UBR1: variants seen among roughly 807,000 people sequenced by gnomAD.
UBR1 encodes E3 ubiquitin-protein ligase UBR1.
Under a neutral mutation model 242.1 loss-of-function variants are expected in UBR1, and 102 were observed. The ratio of observed to expected loss-of-function variants is 0.42; its 90% CI spans 0.36 to 0.50. The LOEUF is 0.50. Ranked by LOEUF, UBR1 falls within the 20% of genes least tolerant of loss-of-function variation. The pLI is 0.01. For synonymous variants in UBR1, 675 were observed against 684.8 expected (o/e 0.99, Z 0.22); for missense variants, 1,772 against 2,101.8 (o/e 0.84, Z 3.07).
intron 1 of UBR1, among the ~76,000 whole-genome samples, chr15:43,097,848 C>T (rs1375239415): frequency 6.6e-6 from 1 of 152,204 alleles, no homozygotes; most frequent in African/African-American, 2.4e-5. Context: ...ACTTTTTCCA[C>T]ATCATCAGTA....
At chr15:43,046,433 T>C (rs926500643) in intron 14 of UBR1, among the ~76,000 whole-genome samples, 1 of 152,024 alleles carries the variant, frequency 6.6e-6, no homozygotes, top group Non-Finnish European at 1.5e-5. Flanking sequence ...TTATAGACAA[T>C]TGAATAAAAG....
intron 37 of UBR1, among the ~76,000 whole-genome samples, chr15:42,980,287 A>G (rs920448325): frequency 6.6e-6 from 1 of 152,222 alleles, no homozygotes. Context: ...TTTGGTATGC[A>G]TATTTTCATT....
chr15:43,028,876 G>A (rs2033214413), intron 21 of UBR1, among the ~76,000 whole-genome samples: 1 of 152,044 alleles, frequency 6.6e-6, no homozygotes, highest in Non-Finnish European at 1.5e-5. Context: ...TTGAGGTCAG[G>A]AGTTCCAGAC....
In UBR1 at chr15:43,054,907, A is replaced by G. The variant is rs1325459881; in HGVS notation, c.1282-8T>C. The stretch of plus-strand genomic sequence containing the variant: ...TTCAATAAGATGTCGAGCCTGCGGA[A>G]TATTTCAAGAATATTTTCTTTAGCA... On this transcript the variant is annotated splice_region_variant and splice_polypyrimidine_tract_variant and intron_variant, in intron 11 of 46. Coordinates refer to ENST00000290650, the MANE Select transcript of UBR1 (RefSeq NM_174916.3). 11 of 1,613,904 alleles carry G rather than the reference A, an allele frequency of 6.8e-6. No homozygotes were observed. Among genetic ancestry groups the G allele is most frequent in the African/African-American group, 2.7e-5 (2 of 74,918 alleles).
At chr15:42,988,768 C>A in intron 35 of UBR1, 51 bp downstream of exon 35, 1 of 1,610,102 alleles carries the variant, frequency 6.2e-7, no homozygotes, top group South Asian at 1.1e-5. Context: ...AATGAATGAT[C>A]AAAGTTAATT....
At chr15:42,972,348 C>T (rs1455303171) in intron 39 of UBR1, among the ~76,000 whole-genome samples, 5 of 152,010 alleles carry the variant, frequency 3.3e-5, no homozygotes, top group Non-Finnish European at 7.4e-5. Context: ...TTTCATCACT[C>T]GGTAACTCAT....
intron 14 of UBR1, among the ~76,000 whole-genome samples, chr15:43,045,275 C>T (rs1483165317): frequency 6.6e-6 from 1 of 151,920 alleles, no homozygotes; most frequent in Non-Finnish European, 1.5e-5. Flanking sequence ...GCCTGGGCAA[C>T]ACAGAGAAAC....
intron 42 of UBR1, among the ~76,000 whole-genome samples, chr15:42,963,538 C>G (rs2032055995): frequency 6.6e-6 from 1 of 151,934 alleles, no homozygotes; most frequent in African/African-American, 2.4e-5. Context: ...AAATGACCTT[C>G]CTTCTTTTCT....
At chr15:42,989,421 T>C (rs1021223151) in intron 34 of UBR1, among the ~76,000 whole-genome samples, 6 of 152,360 alleles carry the variant, frequency 3.9e-5, no homozygotes, top group African/African-American at 1.2e-4. Context: ...TATGATACCA[T>C]GTACCTGGAG....
At chr15:43,093,630 A>G (rs1441071116) in intron 1 of UBR1, among the ~76,000 whole-genome samples, 3 of 151,882 alleles carry the variant, frequency 2.0e-5, no homozygotes, top group African/African-American at 7.3e-5. Flanking sequence ...AAAAACACAA[A>G]AATTAGCTGG....
chr15:43,087,354 G>C (rs890777698), intron 1 of UBR1, among the ~76,000 whole-genome samples: 1 of 151,914 alleles, frequency 6.6e-6, no homozygotes, highest in Non-Finnish European at 1.5e-5. Flanking sequence ...GCAGTGAGCC[G>C]AGAATGCGCC....
chr15:42,989,502 G>A (rs190822677), intron 34 of UBR1, among the ~76,000 whole-genome samples: 102 of 152,240 alleles, frequency 6.7e-4, no homozygotes, highest in Admixed American at 2.9e-3. Context: ...AGATAAACAA[G>A]GATCACAACT....
At chr15:42,970,785 C>T (rs1015018932) in intron 39 of UBR1, among the ~76,000 whole-genome samples, 178 bp from the exon 40 acceptor site, 2 of 151,524 alleles carry the variant, frequency 1.3e-5, no homozygotes, top group Non-Finnish European at 1.5e-5. Flanking sequence ...AGCAATGGTG[C>T]GATCTTGGCT....
At chr15:42,977,627 T>C (rs1489942782) in intron 38 of UBR1, among the ~76,000 whole-genome samples, 1 of 150,910 alleles carries the variant, frequency 6.6e-6, no homozygotes. Flanking sequence ...GGCTTGTCTG[T>C]ACAGACACCC....
chr15:43,014,172 G>T (rs1256826137), intron 29 of UBR1, among the ~76,000 whole-genome samples: 1 of 152,372 alleles, frequency 6.6e-6, no homozygotes, highest in South Asian at 2.1e-4. Flanking sequence ...ACGGAGTCTC[G>T]CTCACTCAGT....
rs114021937 is a variant in UBR1 at position 43,011,258 on chromosome 15, G to A, written c.3210-3974C>T. On this transcript the variant is annotated intron_variant, in intron 29 of 46. Transcript: ENST00000290650. ...GAATAGGAAAAGCTTTCTTAAACAA[G>A]ATATTAATACAAAAAGTTAAAACTC... Among the ~76,000 whole-genome samples, 1,253 of 151,802 alleles carry A rather than the reference G, an allele frequency of 8.3e-3. 14 individuals are homozygous for A. The highest frequency in any genetic ancestry group is 0.029 in the African/African-American group (1,189 of 41,416).
chr15:43,069,856 T>C (rs2033802652), intron 5 of UBR1, among the ~76,000 whole-genome samples: 1 of 152,202 alleles, frequency 6.6e-6, no homozygotes, highest in Non-Finnish European at 1.5e-5. Flanking sequence ...TTTACCAACA[T>C]AAAGTGACTT....
chr15:42,987,711 C>CAAAAAA (rs35169116), intron 35 of UBR1, among the ~76,000 whole-genome samples: 2 of 54,636 alleles, frequency 3.7e-5, no homozygotes, highest in Non-Finnish European at 6.5e-5. Flanking sequence ...GACTCTGTCT[C>CAAAAAA]AAAAAAAAAA....
At position 42,944,973 on chromosome 15, in the gene UBR1, C is replaced by T. The variant is rs2031708320; in HGVS notation, c.*356G>A. Reference sequence around the variant, plus strand: ...TGAACTAAACTTGGGGGGAAAACACCAAATACAAAATTGCAGAAGAGTTAA... The same window carrying T: ...TGAACTAAACTTGGGGGGAAAACACTAAATACAAAATTGCAGAAGAGTTAA... On this transcript the variant is annotated 3_prime_UTR_variant, in exon 47 of 47. Transcript: ENST00000290650. 1 of 271,866 alleles carries T rather than the reference C, an allele frequency of 3.7e-6. No homozygotes were observed. 16.8% of individuals were successfully genotyped at this position (271,866 alleles called of 1,614,324 possible).
Sources: gnomAD v4.1 joint callset for allele counts (sites outside exome capture counted in the v4.1 genomes callset) on GRCh38, gnomAD v4.1.1 for gene constraint, MANE v1.5 for transcripts, NCBI Gene and HGNC (gene_info 2026-07-23, HGNC 2026-07-21) for gene names.